Variants in GPHN observed in about 807,000 individuals in gnomAD.
GPHN encodes the protein gephyrin.
In GPHN, 17 loss-of-function variants were observed where a neutral mutation model predicts 95.5. That is an observed-to-expected ratio of 0.18 (90% CI 0.12 to 0.27). The LOEUF (loss-of-function observed/expected upper bound fraction) is 0.27, where lower values mean the gene tolerates loss of function less well. Among genes scored for constraint, GPHN ranks in the 10% least tolerant of loss-of-function variants. GPHN has a pLI of 1.00. For synonymous variants in GPHN, 320 were observed against 322.5 expected, an observed-to-expected ratio of 0.99 and a Z score of 0.08; for missense variants, 660 against 978.1, an observed-to-expected ratio of 0.67 and a Z score of 4.34.
chr14:67,198,230 C>T, the GPHN span: 6 of 1,613,900 alleles, frequency 3.7e-6, no homozygotes, highest in Non-Finnish European at 5.1e-6. Context: ...CCCCACACTC[C>T]CATGATCCGA....
At chr14:67,730,987 T>C in the GPHN span, among the ~76,000 whole-genome samples, 2 of 152,184 alleles carry the variant, frequency 1.3e-5, no homozygotes, top group Non-Finnish European at 2.9e-5. Context: ...TTAAATGAGA[T>C]AAAAGATATC....
chr14:66,696,166 TTC>T (rs1349913112), intron 2 of GPHN, among the ~76,000 whole-genome samples: 2 of 152,334 alleles, frequency 1.3e-5, no homozygotes, highest in African/African-American at 2.4e-5. Context: ...TGCTATGAAT[TTC>T]TTTTTCCTTT....
At chr14:66,782,036 T>G (rs2059624234) in intron 3 of GPHN, among the ~76,000 whole-genome samples, 1 of 152,238 alleles carries the variant, frequency 6.6e-6, no homozygotes. Flanking sequence ...TTGTCTGCAA[T>G]GTATATTACT....
chr14:67,255,149 C>CA, the GPHN span, among the ~76,000 whole-genome samples: 117 of 137,926 alleles, frequency 8.5e-4, no homozygotes, highest in East Asian at 1.9e-3. Context: ...CTCCATCTCT[C>CA]AAAAAAAAAA....
chr14:66,837,676 G>A (rs1240201088), intron 4 of GPHN, among the ~76,000 whole-genome samples: 1 of 150,934 alleles, frequency 6.6e-6, no homozygotes, highest in African/African-American at 2.4e-5. Context: ...TAAGTTGAAA[G>A]GGTCCTATTC....
the GPHN span, among the ~76,000 whole-genome samples, chr14:67,522,406 C>T: frequency 6.6e-6 from 1 of 152,138 alleles, no homozygotes; most frequent in Admixed American, 6.5e-5. Flanking sequence ...ATACAAGAAG[C>T]TTAGTCGTCT....
At chr14:67,570,080 C>T in the GPHN span, 1 of 1,096,378 alleles carries the variant, frequency 9.1e-7, no homozygotes, top group East Asian at 2.5e-5. Context: ...CATCCAATGA[C>T]TGGGGCGGGG....
chr14:67,397,790 T>C, the GPHN span: 1 of 1,613,012 alleles, frequency 6.2e-7, no homozygotes. Context: ...TGCCGAAGGA[T>C]GAACCATCGC....
chr14:67,002,559 A>G (rs751102370), intron 9 of GPHN, among the ~76,000 whole-genome samples: 3 of 151,134 alleles, frequency 2.0e-5, no homozygotes, highest in Non-Finnish European at 4.4e-5. Context: ...AATTTAACAT[A>G]CTGTTTAAAG....
At chr14:66,590,015 A>G (rs2140597131) in intron 1 of GPHN, among the ~76,000 whole-genome samples, 1 of 152,348 alleles carries the variant, frequency 6.6e-6, no homozygotes, top group African/African-American at 2.4e-5. Flanking sequence ...ACTCAGGACT[A>G]AGAAACTCAC....
chr14:67,571,797 G>A, the GPHN span: 1 of 1,613,910 alleles, frequency 6.2e-7, no homozygotes, highest in Non-Finnish European at 8.5e-7. Flanking sequence ...CGAGTCCTCT[G>A]GGTCTGACGA....
At chr14:67,112,311 A>G (rs1426595313) in intron 15 of GPHN, among the ~76,000 whole-genome samples, 2 of 152,238 alleles carry the variant, frequency 1.3e-5, no homozygotes, top group African/African-American at 2.4e-5. Flanking sequence ...GTGACTACCA[A>G]TAATAATGGA....
intron 6 of GPHN, among the ~76,000 whole-genome samples, chr14:66,917,739 A>G (rs1045413297): frequency 5.3e-5 from 8 of 152,178 alleles, no homozygotes; most frequent in Non-Finnish European, 1.2e-4. Context: ...TATATTTTGC[A>G]TCTCCTTATG....
chr14:66,772,747 T>C (rs909369588), intron 2 of GPHN, among the ~76,000 whole-genome samples: 10 of 152,222 alleles, frequency 6.6e-5, no homozygotes, highest in Non-Finnish European at 1.5e-5. Flanking sequence ...TATATGTTTT[T>C]AAAAATCAAA....
chr14:67,280,848 C>CTTCT, the GPHN span, among the ~76,000 whole-genome samples: 133 of 128,620 alleles, frequency 1.0e-3, 3 homozygotes, highest in African/African-American at 4.3e-3. Flanking sequence ...TCCTTCCTTC[C>CTTCT]TTCCTTCCCT....
chr14:67,062,794 GTTC>G (rs1280960846), intron 11 of GPHN, among the ~76,000 whole-genome samples: 1 of 152,058 alleles, frequency 6.6e-6, no homozygotes, highest in Non-Finnish European at 1.5e-5. Flanking sequence ...ATTTGTTTAA[GTTC>G]TTTTAGTAGA....
chr14:66,963,876 A>G (rs1425277384), intron 8 of GPHN, among the ~76,000 whole-genome samples: 1 of 152,186 alleles, frequency 6.6e-6, no homozygotes, highest in East Asian at 1.9e-4. Flanking sequence ...TGAGGCAGAA[A>G]TGATGCATAA....
chr14:66,769,502 G>A (rs569841815), intron 2 of GPHN, among the ~76,000 whole-genome samples: 1 of 152,002 alleles, frequency 6.6e-6, no homozygotes, highest in African/African-American at 2.4e-5. Flanking sequence ...ATAGACCCCG[G>A]TGTGTGTTGT....
chr14:67,281,055 C>T, the GPHN span, among the ~76,000 whole-genome samples: 1 of 151,796 alleles, frequency 6.6e-6, no homozygotes, highest in African/African-American at 2.4e-5. Context: ...TGTGCCACCA[C>T]ACCTGGCTAA....
Sources: allele counts gnomAD v4.1 joint callset (sites outside exome capture counted in the v4.1 genomes callset), GRCh38; gene constraint gnomAD v4.1.1; transcripts MANE v1.5; gene names NCBI Gene and HGNC (gene_info 2026-07-23, HGNC 2026-07-21).